The following LRRC4C variants were observed in gnomAD, a reference collection of about 807,000 sequenced individuals.
LRRC4C encodes the protein leucine rich repeat containing 4C, also known as leucine-rich repeat-containing protein 4C.
Under a neutral mutation model 33.6 loss-of-function variants are expected in LRRC4C, and 5 were observed. That is an observed-to-expected ratio of 0.15 (90% CI 0.08 to 0.31). The LOEUF is 0.31. Among genes scored for constraint, LRRC4C ranks in the 10% least tolerant of loss-of-function variants. The pLI is 1.00. For synonymous variants in LRRC4C, 329 were observed against 302.0 expected, an observed-to-expected ratio of 1.09 and a Z score of -0.93; for missense variants, 560 against 796.7, an observed-to-expected ratio of 0.70 and a Z score of 3.58.
intron 3 of LRRC4C, among the ~76,000 whole-genome samples, chr11:40,348,831 C>T (rs944800855): frequency 2.0e-5 from 3 of 152,088 alleles, no homozygotes; most frequent in Non-Finnish European, 4.4e-5. Context: ...TGAGATAAAA[C>T]AGAGAAAGAA....
chr11:40,670,113 A>C (rs1944015862), intron 2 of LRRC4C, among the ~76,000 whole-genome samples: 1 of 152,168 alleles, frequency 6.6e-6, no homozygotes, highest in Non-Finnish European at 1.5e-5. Flanking sequence ...CCCAGAAAAA[A>C]ATAGTAGTTA....
chr11:40,460,422 G>A (rs989188020), intron 3 of LRRC4C, among the ~76,000 whole-genome samples: 1 of 152,024 alleles, frequency 6.6e-6, no homozygotes, highest in African/African-American at 2.4e-5. Context: ...AAATAGAAAA[G>A]GAGAAAAGAA....
At chr11:41,033,215 G>T (rs1376523036) in intron 1 of LRRC4C, among the ~76,000 whole-genome samples, 1 of 152,054 alleles carries the variant, frequency 6.6e-6, no homozygotes. Context: ...TCAGAATTTA[G>T]TTATAGTGAA....
At chr11:40,853,669 C>A (rs1468397634) in intron 2 of LRRC4C, among the ~76,000 whole-genome samples, 1 of 152,080 alleles carries the variant, frequency 6.6e-6, no homozygotes, top group Non-Finnish European at 1.5e-5. Context: ...GCAGTGAATA[C>A]CATTCAAAAC....
intron 2 of LRRC4C, among the ~76,000 whole-genome samples, chr11:40,785,458 A>G (rs951637594): frequency 2.0e-5 from 3 of 152,168 alleles, no homozygotes; most frequent in African/African-American, 7.2e-5. Flanking sequence ...ATATATCTAA[A>G]ATGGCATCTC....
chr11:40,739,027 G>A (rs11604114), intron 2 of LRRC4C, among the ~76,000 whole-genome samples: 22 of 68,126 alleles, frequency 3.2e-4, no homozygotes, highest in African/African-American at 1.0e-3. Flanking sequence ...GTGTGTGTGT[G>A]TATGTGTGTG....
chr11:40,694,334 G>A (rs951415058), intron 2 of LRRC4C, among the ~76,000 whole-genome samples: 5 of 152,066 alleles, frequency 3.3e-5, no homozygotes, highest in Non-Finnish European at 7.4e-5. Context: ...AGAAATCGAG[G>A]CTGCTTTCTT....
intron 1 of LRRC4C, among the ~76,000 whole-genome samples, chr11:41,432,452 A>G (rs1955272251): frequency 6.6e-6 from 1 of 152,188 alleles, no homozygotes; most frequent in Admixed American, 6.5e-5. Flanking sequence ...TTTCCTGGGT[A>G]GAAAAAAGGA....
At chr11:41,311,244 T>C (rs1047841932) in intron 1 of LRRC4C, among the ~76,000 whole-genome samples, 1 of 152,152 alleles carries the variant, frequency 6.6e-6, no homozygotes, top group East Asian at 1.9e-4. Context: ...CAAGGAAGCA[T>C]GGTAAATTAA....
At chr11:41,317,151 A>C (rs1950820276) in intron 1 of LRRC4C, among the ~76,000 whole-genome samples, 1 of 152,166 alleles carries the variant, frequency 6.6e-6, no homozygotes, top group South Asian at 2.1e-4. Context: ...CTTCACTCCA[A>C]ATTAGTCTAG....
At chr11:41,100,453 G>A (rs1385636013) in intron 1 of LRRC4C, among the ~76,000 whole-genome samples, 1 of 152,050 alleles carries the variant, frequency 6.6e-6, no homozygotes. Flanking sequence ...TGTAATCCCA[G>A]CTGCTCATGA....
At chr11:40,295,093 C>T (rs1269636893) in intron 4 of LRRC4C, among the ~76,000 whole-genome samples, 1 of 152,176 alleles carries the variant, frequency 6.6e-6, no homozygotes, top group Non-Finnish European at 1.5e-5. Flanking sequence ...TTTCCATTAA[C>T]TCGTGTTAGA....
At chr11:40,476,694 G>C (rs1953253570) in intron 3 of LRRC4C, among the ~76,000 whole-genome samples, 1 of 152,068 alleles carries the variant, frequency 6.6e-6, no homozygotes, top group Non-Finnish European at 1.5e-5. Context: ...TGCCTTGTAT[G>C]CTCTAGAATA....
intron 1 of LRRC4C, among the ~76,000 whole-genome samples, chr11:41,274,815 G>C (rs1009467734): frequency 2.0e-5 from 3 of 152,090 alleles, no homozygotes; most frequent in Non-Finnish European, 2.9e-5. Context: ...AAGGTCTGTG[G>C]CTTCATTCTT....
chr11:40,884,447 T>C (rs1451750520), intron 2 of LRRC4C, among the ~76,000 whole-genome samples: 1 of 152,116 alleles, frequency 6.6e-6, no homozygotes, highest in Non-Finnish European at 1.5e-5. Context: ...GATTGTTGGG[T>C]CAAATGTTAT....
At chr11:40,172,120 A>G (rs1427679514) in intron 5 of LRRC4C, among the ~76,000 whole-genome samples, 3 of 152,148 alleles carry the variant, frequency 2.0e-5, no homozygotes, top group Non-Finnish European at 4.4e-5. Flanking sequence ...GTCGTTTGAG[A>G]AAACCTAGAT....
intron 1 of LRRC4C, among the ~76,000 whole-genome samples, chr11:41,058,184 C>T (rs1291253475): frequency 2.0e-5 from 3 of 147,970 alleles, no homozygotes; most frequent in Non-Finnish European, 4.5e-5. Context: ...GACCTGGGAG[C>T]TCCCTCAGCC....
rs57459258 is a variant in LRRC4C at position 40,759,962 on chromosome 11, CAA to C, written c.-406-111686_-406-111685del. ...CAAACAAACAAACAAACAACAACAACAAAAAAAAAAAAAAAGGAAAAAGGAGT... is the reference window on the plus strand; with the variant it reads ...CAAACAAACAAACAAACAACAACAACAAAAAAAAAAAAAGGAAAAAGGAGT... On this transcript the variant is annotated intron_variant, in intron 2 of 6. Coordinates refer to ENST00000528697, the MANE Select transcript of LRRC4C (RefSeq NM_001258419.2). Among the ~76,000 whole-genome samples, 720 of 95,688 alleles carry C rather than the reference CAA, an allele frequency of 7.5e-3. 5 individuals carry two copies. Among genetic ancestry groups the C allele is most frequent in the Admixed American group, 0.013 (132 of 9,874 alleles). The allele number at this position is 95,688 out of a possible 152,430, so 62.8% of individuals were successfully genotyped here.
Position 40,325,679 on chromosome 11 carries a change from A to G in LRRC4C, c.-269-5958T>C, listed in dbSNP as rs529968142. ...TTTGCTAGGATTATATTAAAAAGTC[A>G]TGTTCGAAAGATAGCTACTAACACT... On this transcript the variant is annotated intron_variant, in intron 3 of 6. Transcript: ENST00000528697. Among the ~76,000 whole-genome samples the G allele has an allele frequency of 1.2e-3, 188 of 152,232 alleles. 1 individual carries two copies. Among genetic ancestry groups the G allele is most frequent in the African/African-American group, 4.2e-3 (175 of 41,548 alleles).
Sources: allele counts gnomAD v4.1 joint callset (sites outside exome capture counted in the v4.1 genomes callset), GRCh38; gene constraint gnomAD v4.1.1; transcripts MANE v1.5; gene names NCBI Gene and HGNC (gene_info 2026-07-23, HGNC 2026-07-21).